PRR14L: variants seen among roughly 807,000 people sequenced by gnomAD.
PRR14L encodes the protein proline rich 14 like.
PRR14L carries 80 observed loss-of-function variants against 155.0 expected under a neutral mutation model. That is an observed-to-expected ratio of 0.52 (90% CI 0.43 to 0.62). PRR14L has a LOEUF of 0.62. Ranked by LOEUF, PRR14L falls within the 20% of genes least tolerant of loss-of-function variation. The pLI, the probability that PRR14L is intolerant of heterozygous loss-of-function variation, is 0.00. For missense variants in PRR14L, 2,469 were observed against 2,548.0 expected (o/e 0.97, Z 0.67); for synonymous variants, 883 against 916.0 (o/e 0.96, Z 0.65).
Position 31,717,066 on chromosome 22 carries a change from A to G in PRR14L, c.773T>C (p.Val258Ala). The G allele has an allele frequency of 1.9e-6, 3 of 1,551,988 alleles. No individual in the cohort carries two copies. Among genetic ancestry groups the G allele is most frequent in the Non-Finnish European group, 2.6e-6 (3 of 1,147,032 alleles). The change falls in exon 4 of 9, where the codon GTG becomes GCG. Residue 258 changes from valine (V) to alanine (A), a missense_variant. Physicochemically the swap from Val to Ala is moderately conservative, Grantham distance 64. Coordinates refer to ENST00000327423, the MANE Select transcript of PRR14L (RefSeq NM_173566.3). ...TLVTPEPLTFVDPVLTEATPK... is the reference protein window; with the variant it reads ...TLVTPEPLTFADPVLTEATPK... ...AGTTGCTTCTGTTAATACAGGGTCC[A>G]CAAAGGTTAAAGGTTCTGGGGTAAC...
intron 6 of PRR14L, among the ~76,000 whole-genome samples, chr22:31,703,062 C>T (rs968987000): frequency 1.3e-5 from 2 of 151,954 alleles, no homozygotes; most frequent in Non-Finnish European, 2.9e-5. Context: ...GCGATCCGCC[C>T]GCCTCAGCCT....
rs565959877 is a variant in PRR14L at position 31,729,870 on chromosome 22, G to A, written c.475-4260C>T. ...ACACAACACTACGAATGTGCTTAAT[G>A]TGACTGAACTGCATATTTTTGGGCC... On this transcript the variant is annotated intron_variant, in intron 2 of 8. Transcript: ENST00000327423. Among the ~76,000 whole-genome samples, 8 of 152,222 alleles carry A rather than the reference G, an allele frequency of 5.3e-5. No individual in the cohort carries two copies. In the South Asian group the frequency reaches 1.7e-3, roughly 32 times the overall value.
rs1261770617 is a variant in PRR14L, at chr22:31,714,528, G to A, written c.3311C>T (p.Ala1104Val). The change falls in exon 4 of 9, where the codon GCA becomes GTA. Residue 1104 changes from alanine (A) to valine (V), a missense_variant. By Grantham distance (64) the Ala-to-Val change is moderately conservative. This residue lies in a region of PRR14L where 2,363 missense variants were observed against 2,371.6 expected (regional missense o/e 1.00). Coordinates refer to ENST00000327423, the MANE Select transcript of PRR14L (RefSeq NM_173566.3). ...ATCCTGACCAGTTGTTCCTGTATGT[G>A]CAGCATCCAGTTCTCTCCGAGACAA... The part of the protein sequence containing the change: ...STLSRRELDA[A>V]HTGTTGQDSD... 12 of 1,551,968 alleles carry A rather than the reference G, an allele frequency of 7.7e-6. No homozygotes were observed. The East Asian group carries it at 2.4e-4, about 32-fold the overall frequency.
intron 2 of PRR14L, among the ~76,000 whole-genome samples, chr22:31,733,248 G>A (rs536853587): frequency 1.8e-4 from 26 of 146,696 alleles, no homozygotes; most frequent in African/African-American, 6.3e-4. Context: ...CACCCATTTC[G>A]TACTCGCAAG....
chr22:31,735,060 A>G (rs2074771112), intron 2 of PRR14L, among the ~76,000 whole-genome samples: 1 of 152,232 alleles, frequency 6.6e-6, no homozygotes, highest in African/African-American at 2.4e-5. Context: ...TAACATTTAT[A>G]TCAATTAAAT....
At position 31,714,280 on chromosome 22, in the gene PRR14L, C is replaced by T. The variant is rs1340288876; in HGVS notation, c.3559G>A (p.Gly1187Arg). The T allele has an allele frequency of 6.4e-7, 1 of 1,551,458 alleles. No homozygotes were observed. The highest frequency in any genetic ancestry group is 1.2e-5 in the South Asian group (1 of 83,916). ...TCTTGTGTTTCTCTGAGAGATGTTC[C>T]TTTATCTTGCTGTCCATAATGGCTA... is the stretch of plus-strand genomic sequence containing the variant. ...NDSHYGQQDK[G>R]TSLRETQEMT... Residue 1187 changes from glycine (G) to arginine (R), a missense_variant, in exon 4 of 9, where the codon GGA becomes AGA. By Grantham distance (125) the Gly-to-Arg change is moderately radical (BLOSUM62 -2). Transcript: ENST00000327423.
Position 31,712,793 on chromosome 22 carries a change from C to G in PRR14L, c.5046G>C (p.Arg1682Ser). The change falls in exon 4 of 9, where the codon AGG becomes AGC. Residue 1682 changes from arginine (R) to serine (S), a missense_variant. Coordinates refer to ENST00000327423, the MANE Select transcript of PRR14L (RefSeq NM_173566.3). ...AAAGTGCCATGGGCTTACTGTTAGG[C>G]CTCTTATCCCATCCACTAGCTGCCA... The part of the protein sequence containing the change: ...PYLAASGWDK[R>S]PNSKPMALYS... The G allele has an allele frequency of 6.4e-7, 1 of 1,551,974 alleles. No individual in the cohort carries two copies. Among genetic ancestry groups the G allele is most frequent in the South Asian group, 1.2e-5 (1 of 84,066 alleles).
rs574613169 is a variant in PRR14L at position 31,745,853 on chromosome 22, A to ATATATAT, written c.-52+4139_-52+4140insATATATA. The stretch of plus-strand genomic sequence containing the variant: ...GAGGGAGACTCAGTTTAAAAAAAAA[A>ATATATAT]AAAAAAAAATATATATATATATATA... On this transcript the variant is annotated intron_variant, in intron 1 of 8. Coordinates refer to ENST00000327423, the MANE Select transcript of PRR14L (RefSeq NM_173566.3). Among the ~76,000 whole-genome samples the ATATATAT allele has an allele frequency of 1.0e-4, 15 of 146,012 alleles. No individual in the cohort carries two copies. The South Asian group carries it at 1.6e-3, about 15-fold the overall frequency.
rs2074645066 is a variant in PRR14L at position 31,714,738 on chromosome 22, T to C, written c.3101A>G (p.Asn1034Ser). The change falls in exon 4 of 9, where the codon AAT becomes AGT. Residue 1034 changes from asparagine (N) to serine (S), a missense_variant. Transcript: ENST00000327423. ...SLPCGSPKKC[N>S]LKGAFVKMSG... ...CATCTTGACAAAGGCTCCTTTCAAA[T>C]TGCATTTCTTTGGACTACCACAAGG... is the stretch of plus-strand genomic sequence containing the variant. The C allele has an allele frequency of 1.3e-6, 2 of 1,552,256 alleles. No homozygotes were observed. The highest frequency in any genetic ancestry group is 2.0e-5 in the Admixed American group (1 of 50,982).
rs1451873232 is a variant in PRR14L at position 31,713,172 on chromosome 22, G to C, written c.4667C>G (p.Pro1556Arg). 1 of 1,551,874 alleles carries C rather than the reference G, an allele frequency of 6.4e-7. No individual in the cohort carries two copies. Among genetic ancestry groups the C allele is most frequent in the Non-Finnish European group, 8.7e-7 (1 of 1,147,044 alleles). Residue 1556 changes from proline (P) to arginine (R), a missense_variant, in exon 4 of 9, where the codon CCC becomes CGC. Around this residue, in one of 2 missense-constraint regions of PRR14L, gnomAD observed 2,363 missense variants for 2,371.6 expected, o/e 1.00. Transcript: ENST00000327423. ...SSAFLKSSSN[P>R]IPTKAHRLLS... is the part of the protein sequence containing the mutation. ...AAGTCTGTGCGCTTTTGTGGGGATG[G>C]GATTGGAAGAACTCTTTAAAAAGGC...
chr22:31,722,315 C>A (rs2074694561), intron 3 of PRR14L, among the ~76,000 whole-genome samples: 5 of 151,382 alleles, frequency 3.3e-5, no homozygotes, highest in Admixed American at 3.3e-4. Flanking sequence ...GCCTGTAGTC[C>A]CAGCTATTTG....
At position 31,703,563 on chromosome 22, in the gene PRR14L, G is replaced by C. The variant is rs755082168; in HGVS notation, c.5987C>G (p.Pro1996Arg). 2 of 1,612,548 alleles carry C rather than the reference G, an allele frequency of 1.2e-6. No homozygotes were observed. The highest frequency in any genetic ancestry group is 1.7e-6 in the Non-Finnish European group (2 of 1,179,312). The change falls in exon 6 of 9, where the codon CCA (proline) becomes CGA (arginine). Residue 1996 changes from proline to arginine, a missense_variant. Physicochemically the swap from Pro to Arg is moderately radical, Grantham distance 103. Around this residue, in one of 2 missense-constraint regions of PRR14L, gnomAD observed 2,363 missense variants for 2,371.6 expected, o/e 1.00. Transcript: ENST00000327423. ...CTTTACACTTACCTCTTTCTGTTCT[G>C]GGGGGCTGCTCTGTGGGCAGGGGCA... ...AACPCPQSSP[P>R]EQKEAEPEKR... is the part of the protein sequence containing the mutation.
chr22:31,706,909 C>A (rs2074595383), intron 4 of PRR14L, among the ~76,000 whole-genome samples: 1 of 151,942 alleles, frequency 6.6e-6, no homozygotes, highest in Non-Finnish European at 1.5e-5. Flanking sequence ...ATTAGCCAGG[C>A]GTGGTGGTAC....
At chr22:31,725,278 C>T (rs535579711) in intron 3 of PRR14L, among the ~76,000 whole-genome samples, 2 of 152,138 alleles carry the variant, frequency 1.3e-5, no homozygotes, top group South Asian at 2.1e-4. Context: ...TGGTGGGTCA[C>T]GCCTGTAGTC....
rs781019811 is a variant in PRR14L, at chr22:31,738,752, G to A, written c.109C>T (p.His37Tyr). 9.0e-6 allele frequency: 14 copies of A among 1,551,816 alleles called. No individual in the cohort carries two copies. The highest frequency in any genetic ancestry group is 1.0e-5 in the Non-Finnish European group (12 of 1,147,048). ...ELPVSVSRELHADPEPSVIPD... is the reference protein window; with the variant it reads ...ELPVSVSRELYADPEPSVIPD... ...ATCACACTTGGCTCAGGGTCAGCATGAAGCTCTCTGGAGACACTTACTGGG... is the reference window on the plus strand; with the variant it reads ...ATCACACTTGGCTCAGGGTCAGCATAAAGCTCTCTGGAGACACTTACTGGG... The change falls in exon 2 of 9, where the codon CAT becomes TAT. Residue 37 changes from histidine (H) to tyrosine (Y), a missense_variant. Physicochemically the swap from His to Tyr is moderately conservative, Grantham distance 83 (BLOSUM62 2). Around this residue, in one of 2 missense-constraint regions of PRR14L, gnomAD observed 2,363 missense variants for 2,371.6 expected, o/e 1.00. Coordinates refer to ENST00000327423, the MANE Select transcript of PRR14L (RefSeq NM_173566.3).
chr22:31,740,222 A>AT (rs956340661), intron 1 of PRR14L, among the ~76,000 whole-genome samples: 7 of 149,752 alleles, frequency 4.7e-5, no homozygotes, highest in East Asian at 4.0e-4. Context: ...CACCTGGCTA[A>AT]TTTTTTTATT....
intron 2 of PRR14L, among the ~76,000 whole-genome samples, chr22:31,730,750 T>C (rs2074744821): frequency 6.6e-6 from 1 of 152,236 alleles, no homozygotes; most frequent in African/African-American, 2.4e-5. Context: ...TTGAGATAAT[T>C]ATTATTGTGA....
intron 4 of PRR14L, among the ~76,000 whole-genome samples, chr22:31,707,236 T>C (rs756949248): frequency 2.6e-5 from 4 of 152,028 alleles, no homozygotes; most frequent in Non-Finnish European, 4.4e-5. Flanking sequence ...ACAGAAAATT[T>C]TCAACACCAG....
chr22:31,742,006 T>C (rs1200741826), intron 1 of PRR14L, among the ~76,000 whole-genome samples: 12 of 151,918 alleles, frequency 7.9e-5, no homozygotes, highest in Admixed American at 4.6e-4. Context: ...AGGTGGGGGA[T>C]GGGGGAGGTT....
Sources: gnomAD v4.1 joint callset for allele counts (sites outside exome capture counted in the v4.1 genomes callset) on GRCh38, gnomAD v4.1.1 for gene constraint, gnomAD v4.1.1 regional missense constraint, MANE v1.5 for transcripts, NCBI Gene and HGNC (gene_info 2026-07-23, HGNC 2026-07-21) for gene names.